The following MYPN variants were observed in gnomAD, a reference collection of about 807,000 sequenced individuals.
MYPN encodes the protein myopalladin, also known as sarcomeric protein myopalladin, 145 kDa (MYOP).
In MYPN, 63 loss-of-function variants were observed where a neutral mutation model predicts 129.4. The observed-to-expected ratio is 0.49, with a 90% CI of 0.40 to 0.60. The LOEUF is 0.60. MYPN is among the 20% of genes least tolerant of loss of function. The pLI, the probability that MYPN is intolerant of heterozygous loss-of-function variation, is 0.00. For synonymous variants in MYPN, 629 were observed against 600.9 expected (o/e 1.05, Z -0.68); for missense variants, 1,596 against 1,635.4 (o/e 0.98, Z 0.42).
chr10:68,167,526 G>A (rs2043073338), intron 10 of MYPN, among the ~76,000 whole-genome samples: 1 of 152,074 alleles, frequency 6.6e-6, no homozygotes, highest in African/African-American at 2.4e-5. Context: ...CCATAACAAA[G>A]CAAATAAAGG....
chr10:68,175,943 A>C (rs2043221525), intron 12 of MYPN, among the ~76,000 whole-genome samples: 1 of 151,806 alleles, frequency 6.6e-6, no homozygotes, highest in African/African-American at 2.4e-5. Context: ...GGGTCTTGCC[A>C]TGTTGCCCAG....
chr10:68,093,984 A>G (rs2041943424), intron 1 of MYPN, among the ~76,000 whole-genome samples: 1 of 151,786 alleles, frequency 6.6e-6, no homozygotes, highest in Non-Finnish European at 1.5e-5. Flanking sequence ...GCATTTGTAA[A>G]CTGTCACGGT....
intron 1 of MYPN, among the ~76,000 whole-genome samples, chr10:68,113,783 A>G (rs763530879): frequency 2.8e-4 from 42 of 151,988 alleles, no homozygotes; most frequent in Non-Finnish European, 2.6e-4. Context: ...TAAAAATTGT[A>G]TATATTTGTG....
intron 6 of MYPN, among the ~76,000 whole-genome samples, chr10:68,150,421 G>C (rs538049142): frequency 6.6e-6 from 1 of 152,192 alleles, no homozygotes; most frequent in South Asian, 2.1e-4. Context: ...TACTCCAAAG[G>C]TTTCTCTGAA....
In MYPN at chr10:68,199,392, C is replaced by T. The variant is rs1246378235; in HGVS notation, c.3310C>T (p.Leu1104=). 1.2e-6 allele frequency: 2 copies of T among 1,614,092 alleles called. No individual in the cohort carries two copies. The highest frequency in any genetic ancestry group is 1.7e-6 in the Non-Finnish European group (2 of 1,179,992). ...CKVSGLPPPE[L]TWLLNGQPVL... ...GGTGAGTGGTTTACCGCCCCCGGAG[C>T]TGACATGGCTACTCAATGGCCAACC... The change falls in exon 17 of 20, where the codon CTG becomes TTG. Residue 1104 remains leucine (L), a synonymous_variant. Coordinates refer to ENST00000358913, the MANE Select transcript of MYPN (RefSeq NM_032578.4).
chr10:68,199,671 T>A, intron 17 of MYPN, 96 bp downstream of exon 17: 1 of 1,234,684 alleles, frequency 8.1e-7, no homozygotes, highest in Non-Finnish European at 1.2e-6. Context: ...TCCTTTGCCC[T>A]ACTAACTCCA....
intron 2 of MYPN, chr10:68,136,879 C>G (rs868605884): frequency 2.3e-6 from 2 of 875,442 alleles, no homozygotes; most frequent in Middle Eastern, 3.5e-4. Context: ...TATTAAAGAA[C>G]AGACCATTTT....
At chr10:68,114,725 G>A (rs1279993208) in intron 1 of MYPN, among the ~76,000 whole-genome samples, 1 of 152,150 alleles carries the variant, frequency 6.6e-6, no homozygotes, top group Non-Finnish European at 1.5e-5. Context: ...GAAAAAAATA[G>A]AGATATTTAG....
chr10:68,171,438 C>T (rs373297711), intron 10 of MYPN, among the ~76,000 whole-genome samples: 6 of 152,274 alleles, frequency 3.9e-5, no homozygotes, highest in African/African-American at 1.4e-4. Flanking sequence ...GGAATGCAGA[C>T]TCCCAGGCCC....
At chr10:68,157,254 C>A (rs867707706) in intron 6 of MYPN, among the ~76,000 whole-genome samples, 1 of 152,126 alleles carries the variant, frequency 6.6e-6, no homozygotes, top group Non-Finnish European at 1.5e-5. Flanking sequence ...ATTGTGATTG[C>A]TTTTATTCCT....
chr10:68,145,491 C>T lies in MYPN; in HGVS notation c.1095C>T (p.Asp365=), dbSNP rs1462280473. 2 of 1,613,490 alleles carry T rather than the reference C, an allele frequency of 1.2e-6. No individual in the cohort carries two copies. The highest frequency in any genetic ancestry group is 3.3e-5 in the Admixed American group (2 of 60,016). Residue 365 remains aspartate (D), a synonymous_variant, in exon 4 of 20, where the codon GAC becomes GAT. Transcript: ENST00000358913. ...TTTTTCCAGGGGTTTCTTCTTCTGA[C>T]TCAGAAGGCGACCCTAACAAGGAAG... The part of the protein sequence containing the change: ...EIYIEGVSSS[D]SEGDPNKEEM...
At chr10:68,128,933 G>A (rs2042367066) in intron 2 of MYPN, among the ~76,000 whole-genome samples, 1 of 152,066 alleles carries the variant, frequency 6.6e-6, no homozygotes, top group South Asian at 2.1e-4. Context: ...ATCTTAAAGA[G>A]TGAGGGGGAA....
At chr10:68,166,809 G>C in intron 10 of MYPN, 143 bp downstream of exon 10, 1 of 1,184,680 alleles carries the variant, frequency 8.4e-7, no homozygotes, top group Non-Finnish European at 1.2e-6. Context: ...CAGGAGGATC[G>C]CTTGAGCCCA....
intron 1 of MYPN, among the ~76,000 whole-genome samples, chr10:68,113,063 G>A (rs1022705576): frequency 6.6e-6 from 1 of 152,180 alleles, no homozygotes; most frequent in Admixed American, 6.5e-5. Flanking sequence ...ATTAAAAAGA[G>A]GGAGCAAAGT....
intron 2 of MYPN, among the ~76,000 whole-genome samples, chr10:68,138,601 A>G (rs146671674): frequency 1.5e-3 from 224 of 152,302 alleles, no homozygotes; most frequent in African/African-American, 4.5e-3. Context: ...TTTGTATTAT[A>G]TAAAAATAGT....
intron 6 of MYPN, chr10:68,158,211 G>T: frequency 2.5e-6 from 1 of 407,336 alleles, no homozygotes; most frequent in Non-Finnish European, 4.5e-6. Context: ...CTGAAGCTGT[G>T]CGCTCAGTGG....
rs755212697 is a variant in MYPN at position 68,122,150 on chromosome 10, G to A, written c.712G>A (p.Ala238Thr). Residue 238 changes from alanine to threonine, a missense_variant, in exon 2 of 20, where the codon GCG becomes ACG. Ala to Thr is a moderately conservative substitution (Grantham distance 58). Coordinates refer to ENST00000358913, the MANE Select transcript of MYPN (RefSeq NM_032578.4). ...ACAGCAGGAAGCCAAGAGGCGTGAA[G>A]CGGAGCAGGCTGCCAGTGAGGCGGC... is the stretch of plus-strand genomic sequence containing the variant. Reference protein sequence around the residue: ...LEQQEAKRREAEQAASEAAGG... With the variant: ...LEQQEAKRRETEQAASEAAGG... 7.8e-5 allele frequency: 126 copies of A among 1,612,646 alleles called. No homozygotes were observed. Among genetic ancestry groups the A allele is most frequent in the Non-Finnish European group, 1.0e-4 (122 of 1,179,164 alleles).
At chr10:68,157,859 C>CAA (rs1554844008) in intron 6 of MYPN, among the ~76,000 whole-genome samples, 1 of 144,554 alleles carries the variant, frequency 6.9e-6, no homozygotes, top group African/African-American at 2.6e-5. Flanking sequence ...AACAAACAAA[C>CAA]AAAAAAAAAC....
intron 10 of MYPN, among the ~76,000 whole-genome samples, chr10:68,172,086 G>T (rs2043153003): frequency 1.3e-5 from 2 of 152,276 alleles, no homozygotes; most frequent in East Asian, 3.8e-4. Context: ...AACCAGCAAG[G>T]CGCTTGCCTG....
Sources: allele counts gnomAD v4.1 joint callset (sites outside exome capture counted in the v4.1 genomes callset), GRCh38; gene constraint gnomAD v4.1.1; transcripts MANE v1.5; gene names NCBI Gene and HGNC (gene_info 2026-07-23, HGNC 2026-07-21).